The following GRIN2B variants were observed in gnomAD, a reference collection of about 807,000 sequenced individuals.
The protein encoded by GRIN2B is glutamate receptor ionotropic, NMDA 2B.
A neutral mutation model predicts 114.5 loss-of-function variants in GRIN2B; 5 were observed. The ratio of observed to expected loss-of-function variants is 0.04; its 90% CI spans 0.02 to 0.09. GRIN2B has a LOEUF of 0.09. Ranked by LOEUF, GRIN2B falls within the 10% of genes least tolerant of loss-of-function variation. The pLI is 1.00. For synonymous variants in GRIN2B, 787 were observed against 745.1 expected (o/e 1.06, Z -0.92); for missense variants, 1,108 against 1,943.5 (o/e 0.57, Z 8.08).
chr12:13,600,698 A>C (rs1231992184), intron 10 of GRIN2B, among the ~76,000 whole-genome samples: 3 of 152,192 alleles, frequency 2.0e-5, no homozygotes, highest in African/African-American at 4.8e-5. Context: ...TTCTGCACAA[A>C]GGAATTGTGA....
chr12:13,795,345 T>C (rs1864399992), intron 3 of GRIN2B, among the ~76,000 whole-genome samples: 1 of 150,874 alleles, frequency 6.6e-6, no homozygotes, highest in African/African-American at 2.4e-5. Context: ...AGATCTTTTC[T>C]AGAGAAGGAA....
At chr12:13,652,174 GCACTTT>G (rs1949820327) in intron 5 of GRIN2B, among the ~76,000 whole-genome samples, 1 of 151,724 alleles carries the variant, frequency 6.6e-6, no homozygotes, top group Non-Finnish European at 1.5e-5. Context: ...TCAGACTTTA[GCACTTT>G]GCTAACTCTT....
chr12:13,854,476 CT>C (rs1865625628), intron 3 of GRIN2B, among the ~76,000 whole-genome samples: 1 of 152,182 alleles, frequency 6.6e-6, no homozygotes, highest in Admixed American at 6.5e-5. Flanking sequence ...TGCCATTGCA[CT>C]CCAGGCTGGG....
intron 3 of GRIN2B, among the ~76,000 whole-genome samples, chr12:13,779,106 T>C (rs1350685837): frequency 1.3e-5 from 2 of 152,194 alleles, no homozygotes; most frequent in African/African-American, 4.8e-5. Context: ...TGGAGTGCAG[T>C]GGTGCACTCT....
At chr12:13,579,562 A>C (rs1313273844) in intron 10 of GRIN2B, among the ~76,000 whole-genome samples, 1 of 152,216 alleles carries the variant, frequency 6.6e-6, no homozygotes, top group Non-Finnish European at 1.5e-5. Context: ...TGTTACTATC[A>C]TTATTACTAT....
intron 2 of GRIN2B, among the ~76,000 whole-genome samples, chr12:13,903,635 A>C (rs1273529015): frequency 6.6e-6 from 1 of 152,100 alleles, no homozygotes; most frequent in Non-Finnish European, 1.5e-5. Flanking sequence ...AAGTTTTGAT[A>C]AATGGTCAGT....
intron 4 of GRIN2B, among the ~76,000 whole-genome samples, chr12:13,711,983 G>A (rs1445605647): frequency 3.3e-5 from 5 of 152,082 alleles, no homozygotes; most frequent in Non-Finnish European, 7.4e-5. Flanking sequence ...CAACCCAAAT[G>A]TCCAACAGTG....
intron 2 of GRIN2B, among the ~76,000 whole-genome samples, chr12:13,898,131 G>A (rs1331692058): frequency 6.6e-6 from 1 of 152,100 alleles, no homozygotes; most frequent in African/African-American, 2.4e-5. Context: ...AATATAGACA[G>A]GGGTTAAGTG....
chr12:13,648,926 T>C (rs1346056578), intron 5 of GRIN2B, among the ~76,000 whole-genome samples: 1 of 152,028 alleles, frequency 6.6e-6, no homozygotes, highest in South Asian at 2.1e-4. Flanking sequence ...CTATGTGTGG[T>C]TGACATCACA....
intron 10 of GRIN2B, among the ~76,000 whole-genome samples, chr12:13,572,394 T>C (rs1948718725): frequency 6.6e-6 from 1 of 152,214 alleles, no homozygotes; most frequent in Non-Finnish European, 1.5e-5. Context: ...ATTGCACTAT[T>C]TTGTCCATAG....
chr12:13,825,837 T>C (rs1173043962), intron 3 of GRIN2B, among the ~76,000 whole-genome samples: 1 of 151,996 alleles, frequency 6.6e-6, no homozygotes. Flanking sequence ...TTTTAACCTA[T>C]CTACATATTT....
chr12:13,885,748 T>C (rs2069145322), intron 2 of GRIN2B, among the ~76,000 whole-genome samples: 1 of 151,140 alleles, frequency 6.6e-6, no homozygotes, highest in African/African-American at 2.4e-5. Flanking sequence ...TCTCATAAAC[T>C]GACTTTCAGA....
intron 10 of GRIN2B, among the ~76,000 whole-genome samples, chr12:13,575,691 TAATAATCAA>T (rs199767506): frequency 0.01 from 1,567 of 150,880 alleles, 34 homozygotes; most frequent in African/African-American, 0.036. Context: ...ATAATAATAA[TAATAATCAA>T]AATAATCAGA....
At chr12:13,980,985 C>A (rs1329440863) in intron 1 of GRIN2B, among the ~76,000 whole-genome samples, 1 of 152,136 alleles carries the variant, frequency 6.6e-6, no homozygotes, top group Non-Finnish European at 1.5e-5. Context: ...CTCACGCTGC[C>A]GCCGCGCTGA....
chr12:13,785,008 C>T (rs1041624014), intron 3 of GRIN2B, among the ~76,000 whole-genome samples: 2 of 152,232 alleles, frequency 1.3e-5, no homozygotes, highest in African/African-American at 4.8e-5. Context: ...AACTAACACA[C>T]CCCACAAAAT....
chr12:13,882,950 C>T (rs1329207008), intron 2 of GRIN2B, among the ~76,000 whole-genome samples: 1 of 152,168 alleles, frequency 6.6e-6, no homozygotes, highest in Non-Finnish European at 1.5e-5. Context: ...GTGACAATCA[C>T]TGATGTGATT....
chr12:13,627,712 C>A (rs1009938959), intron 5 of GRIN2B, among the ~76,000 whole-genome samples: 2 of 152,216 alleles, frequency 1.3e-5, no homozygotes, highest in Non-Finnish European at 2.9e-5. Flanking sequence ...GGTTAGTGAC[C>A]TGTGGCTGCA....
chr12:13,727,820 C>T (rs1212682351), intron 4 of GRIN2B, among the ~76,000 whole-genome samples: 1 of 152,094 alleles, frequency 6.6e-6, no homozygotes, highest in African/African-American at 2.4e-5. Context: ...AAACCATGTT[C>T]CTACTTATTA....
intron 3 of GRIN2B, among the ~76,000 whole-genome samples, chr12:13,757,932 C>G (rs1446863331): frequency 1.3e-5 from 2 of 152,270 alleles, no homozygotes; most frequent in Non-Finnish European, 2.9e-5. Flanking sequence ...ATCCAGATCC[C>G]TTATGGATCC....
Sources: allele counts gnomAD v4.1 joint callset (sites outside exome capture counted in the v4.1 genomes callset), GRCh38; gene constraint gnomAD v4.1.1; transcripts MANE v1.5; gene names NCBI Gene and HGNC (gene_info 2026-07-23, HGNC 2026-07-21).